The following EDAR variants were observed in gnomAD, a reference collection of about 807,000 sequenced individuals.
EDAR encodes the protein ectodysplasin A receptor, also known as tumor necrosis factor receptor superfamily member EDAR.
Under a neutral mutation model 51.3 loss-of-function variants are expected in EDAR, and 38 were observed. The ratio of observed to expected loss-of-function variants is 0.74; its 90% CI spans 0.57 to 0.97. EDAR has a LOEUF of 0.97. Among genes scored for constraint, EDAR ranks in the 50% least tolerant of loss-of-function variants. The pLI, the probability that EDAR is intolerant of heterozygous loss-of-function variation, is 0.00. For synonymous variants in EDAR, 227 were observed against 242.1 expected, an observed-to-expected ratio of 0.94 and a Z score of 0.58; for missense variants, 528 against 595.0, an observed-to-expected ratio of 0.89 and a Z score of 1.17.
intron 1 of EDAR, among the ~76,000 whole-genome samples, chr2:108,932,528 C>CAAAAAAA (rs1171012818): frequency 1.5e-4 from 6 of 39,154 alleles, no homozygotes; most frequent in African/African-American, 5.0e-4. Context: ...GACTCTGTCT[C>CAAAAAAA]AAAAAAAAAA....
At chr2:108,945,399 G>C (rs2105482290) in intron 1 of EDAR, among the ~76,000 whole-genome samples, 1 of 152,286 alleles carries the variant, frequency 6.6e-6, no homozygotes, top group South Asian at 2.1e-4. Flanking sequence ...TTTGGAACTA[G>C]AGTATGCTGG....
intron 5 of EDAR, among the ~76,000 whole-genome samples, chr2:108,922,182 G>A (rs936457932): frequency 1.3e-5 from 2 of 152,212 alleles, no homozygotes; most frequent in African/African-American, 4.8e-5. Context: ...CCTCTCCCAG[G>A]TTCCACAGGC....
intron 5 of EDAR, among the ~76,000 whole-genome samples, chr2:108,920,056 C>G (rs1264319061): frequency 6.6e-6 from 1 of 152,260 alleles, no homozygotes; most frequent in Admixed American, 6.5e-5. Context: ...TGGCCAGTCA[C>G]AGAGACACCT....
intron 1 of EDAR, among the ~76,000 whole-genome samples, chr2:108,985,448 G>T (rs1182471297): frequency 6.6e-6 from 1 of 152,256 alleles, no homozygotes; most frequent in Non-Finnish European, 1.5e-5. Context: ...ACCGCCACAG[G>T]TGCATCTTCC....
At chr2:108,908,119 G>A (rs1391992760) in intron 9 of EDAR, 100 bp from the exon 10 acceptor site, 9 of 1,332,390 alleles carry the variant, frequency 6.8e-6, no homozygotes, top group Non-Finnish European at 9.1e-6. Context: ...GCTGTGGACA[G>A]TGGGGGGCAA....
chr2:108,913,618 A>G (rs1057009921), intron 5 of EDAR, among the ~76,000 whole-genome samples: 3 of 152,080 alleles, frequency 2.0e-5, no homozygotes, highest in African/African-American at 7.2e-5. Context: ...CTTGATTTAT[A>G]CATATAAATA....
intron 1 of EDAR, among the ~76,000 whole-genome samples, chr2:108,936,275 A>T (rs201368769): frequency 6.6e-6 from 1 of 152,202 alleles, no homozygotes; most frequent in East Asian, 1.9e-4. Context: ...TGTAGGACGG[A>T]TGTCCCTTTT....
intron 1 of EDAR, among the ~76,000 whole-genome samples, chr2:108,976,237 C>T (rs1197087555): frequency 6.6e-6 from 1 of 152,212 alleles, no homozygotes; most frequent in Non-Finnish European, 1.5e-5. Flanking sequence ...TTTTTGATGA[C>T]TCAGAAGTTT....
Position 108,929,346 on chromosome 2 carries a change from C to T in EDAR, c.208G>A (p.Gly70Ser), listed in dbSNP as rs759735008. The change falls in exon 4 of 12, where the codon GGC (glycine) becomes AGC (serine). Residue 70 changes from glycine (G) to serine (S), a missense_variant. Transcript: ENST00000258443. ...TTCTCCGCCGGGCAGGGGACGCAGC[C>T]GTAGTCCTCGTCTTTGGTGCCGTAG... ...CGYGTKDEDY[G>S]CVPCPAEKFS... 28 of 1,613,994 alleles carry T rather than the reference C, an allele frequency of 1.7e-5. No individual in the cohort carries two copies. Among genetic ancestry groups the T allele is most frequent in the African/African-American group, 4.0e-5 (3 of 74,924 alleles).
intron 1 of EDAR, among the ~76,000 whole-genome samples, chr2:108,946,713 AC>A (rs1326745388): frequency 6.6e-6 from 1 of 152,170 alleles, no homozygotes; most frequent in Non-Finnish European, 1.5e-5. Flanking sequence ...TACATATCAA[AC>A]AACCAGATCT....
intron 11 of EDAR, among the ~76,000 whole-genome samples, chr2:108,903,838 A>G (rs1696749704): frequency 6.6e-6 from 1 of 152,210 alleles, no homozygotes; most frequent in Admixed American, 6.5e-5. Flanking sequence ...TTAAGCTATA[A>G]AACTTCTAGA....
At position 108,929,372 on chromosome 2, in the gene EDAR, C is replaced by T. The variant is rs778989927; in HGVS notation, c.182G>A (p.Gly61Asp). The T allele has an allele frequency of 3.7e-6, 6 of 1,614,098 alleles. No individual in the cohort carries two copies. The highest frequency in any genetic ancestry group is 5.1e-6 in the Non-Finnish European group (6 of 1,180,022). The change falls in exon 4 of 12, where the codon GGC becomes GAC. Residue 61 changes from glycine to aspartate, a missense_variant. Coordinates refer to ENST00000258443, the MANE Select transcript of EDAR (RefSeq NM_022336.4). ...GTAGTCCTCGTCTTTGGTGCCGTAG[C>T]CACAGGACTGTCCAGGGAAAGAGGA... is the stretch of plus-strand genomic sequence containing the variant. ...GPGEEPYLSC[G>D]YGTKDEDYGC...
At chr2:108,942,546 G>C (rs976597491) in intron 1 of EDAR, among the ~76,000 whole-genome samples, 1 of 152,256 alleles carries the variant, frequency 6.6e-6, no homozygotes, top group Non-Finnish European at 1.5e-5. Flanking sequence ...CAGCGTCCCC[G>C]TCTCCCTCCC....
intron 1 of EDAR, among the ~76,000 whole-genome samples, chr2:108,932,260 G>A (rs1334047929): frequency 6.6e-6 from 1 of 152,066 alleles, no homozygotes; most frequent in East Asian, 1.9e-4. Flanking sequence ...TGAGCGCGGT[G>A]GCTCACACCT....
In EDAR at chr2:108,896,946, C is replaced by A. The variant is rs769830718; in HGVS notation, c.1308G>T (p.Gly436=). The change falls in exon 12 of 12, where the codon GGG becomes GGT. Residue 436 remains glycine (G), a synonymous_variant. Coordinates refer to ENST00000258443, the MANE Select transcript of EDAR (RefSeq NM_022336.4). ...GTGGCTGGGAGGCAGGTGGCACAAC[C>A]CCCGCCCACTCCAGTATGTCTGCAC... The part of the protein sequence containing the change: ...SLCADILEWA[G]VVPPASQPHA... The A allele has an allele frequency of 6.2e-7, 1 of 1,613,338 alleles. No individual in the cohort carries two copies. The highest frequency in any genetic ancestry group is 8.5e-7 in the Non-Finnish European group (1 of 1,179,766).
intron 11 of EDAR, among the ~76,000 whole-genome samples, chr2:108,900,406 T>C (rs1696677635): frequency 6.6e-6 from 1 of 151,838 alleles, no homozygotes; most frequent in Admixed American, 6.6e-5. Flanking sequence ...ATATACAAAA[T>C]TAGCTGGTGT....
intron 1 of EDAR, among the ~76,000 whole-genome samples, chr2:108,971,620 G>C (rs1698235072): frequency 6.6e-6 from 1 of 152,188 alleles, no homozygotes; most frequent in African/African-American, 2.4e-5. Flanking sequence ...AAGGGTATTA[G>C]AGATAGGATC....
chr2:108,987,124 T>C (rs1698512053), intron 1 of EDAR, among the ~76,000 whole-genome samples: 2 of 152,200 alleles, frequency 1.3e-5, no homozygotes, highest in South Asian at 4.1e-4. Context: ...CCAAACACCA[T>C]CCTGTTTACA....
intron 6 of EDAR, among the ~76,000 whole-genome samples, chr2:108,911,500 C>A (rs1222638029): frequency 6.6e-6 from 1 of 152,196 alleles, no homozygotes; most frequent in Non-Finnish European, 1.5e-5. Flanking sequence ...AGGTTTGGCT[C>A]CATCTTGCAC....
Sources: allele counts gnomAD v4.1 joint callset (sites outside exome capture counted in the v4.1 genomes callset), GRCh38; gene constraint gnomAD v4.1.1; transcripts MANE v1.5; gene names NCBI Gene and HGNC (gene_info 2026-07-23, HGNC 2026-07-21).